RSPH1: variants seen among roughly 807,000 people sequenced by gnomAD.
RSPH1 encodes radial spoke head component 1, also known as radial spoke head 1 homolog.
A neutral mutation model predicts 44.2 loss-of-function variants in RSPH1; 32 were observed. The observed-to-expected ratio is 0.72, with a 90% confidence interval of 0.55 to 0.97. The LOEUF (loss-of-function observed/expected upper bound fraction) is 0.97. Ranked by LOEUF, RSPH1 falls within the 50% of genes least tolerant of loss-of-function variation. RSPH1 has a pLI of 0.00. For synonymous variants in RSPH1, 134 were observed against 147.3 expected, an observed-to-expected ratio of 0.91 and a Z score of 0.65; for missense variants, 391 against 398.7, an observed-to-expected ratio of 0.98 and a Z score of 0.16.
Position 42,496,208 on chromosome 21 carries a change from A to T in RSPH1, c.-22T>A. Reference sequence around the variant, plus strand: ...ACATGGTCTCGCCCCAGCCTGGATCACAGCCGCAGCGCCTCTAGCAGGTGG... The same window carrying T: ...ACATGGTCTCGCCCCAGCCTGGATCTCAGCCGCAGCGCCTCTAGCAGGTGG... On this transcript the variant is annotated 5_prime_UTR_variant, in exon 1 of 9. Coordinates refer to ENST00000291536, the MANE Select transcript of RSPH1 (RefSeq NM_080860.4). The T allele has an allele frequency of 1.9e-6, 3 of 1,613,864 alleles. No homozygotes were observed. The highest frequency in any genetic ancestry group is 2.5e-6 in the Non-Finnish European group (3 of 1,179,872).
rs1235536565 is a variant in RSPH1, at chr21:42,481,487, C to T, written c.573+1150G>A. On this transcript the variant is annotated intron_variant, in intron 6 of 8. Transcript: ENST00000291536. The stretch of plus-strand genomic sequence containing the variant: ...GATGTGATGGTAGACCCAAACAAGC[C>T]GTTCCCCGGCTTTCTTCAGAAAGAA... Among the ~76,000 whole-genome samples the T allele has an allele frequency of 2.6e-5, 4 of 152,312 alleles. No individual in the cohort carries two copies. In the South Asian group the frequency reaches 6.2e-4, roughly 24 times the overall value.
intron 1 of RSPH1, 190 bp downstream of exon 1, chr21:42,495,943 T>A: frequency 1.7e-6 from 1 of 602,980 alleles, no homozygotes; most frequent in Middle Eastern, 2.8e-4. Context: ...CGTCACAGCG[T>A]TTCACTTTTC....
Position 42,476,044 on chromosome 21 carries a change from G to A in RSPH1, c.731C>T (p.Ala244Val), listed in dbSNP as rs1362097488. The A allele has an allele frequency of 6.2e-7, 1 of 1,613,434 alleles. No individual in the cohort carries two copies. Among genetic ancestry groups the A allele is most frequent in the East Asian group, 2.2e-5 (1 of 44,796 alleles). The part of the protein sequence containing the change: ...PGQDAPGAES[A>V]GEPGEEAQAL... ...CTGGGCCTCCTCCCCGGGTTCTCCTGCACCTGAGATAAAACACAAGTCAGA... is the reference window on the plus strand; with the variant it reads ...CTGGGCCTCCTCCCCGGGTTCTCCTACACCTGAGATAAAACACAAGTCAGA... Residue 244 changes from alanine (A) to valine (V), a missense_variant, in exon 8 of 9, where the codon GCA (alanine) becomes GTA (valine). Ala to Val is a moderately conservative substitution (Grantham distance 64). Coordinates refer to ENST00000291536, the MANE Select transcript of RSPH1 (RefSeq NM_080860.4).
In RSPH1 at chr21:42,472,861, T is replaced by G; in HGVS notation, c.887A>C (p.Asn296Thr). The G allele has an allele frequency of 6.2e-7, 1 of 1,606,442 alleles. No homozygotes were observed. Among genetic ancestry groups the G allele is most frequent in the Non-Finnish European group, 8.5e-7 (1 of 1,173,160 alleles). The change falls in exon 9 of 9, where the codon AAT (asparagine) becomes ACT (threonine). Residue 296 changes from asparagine (N) to threonine (T), a missense_variant. Transcript: ENST00000291536. Reference sequence around the variant, plus strand: ...CTGTCTAGTTTCTTCTTCTTCAGAATTAATGTTTCCTGAAAAGAAAAGAGA... The same window carrying G: ...CTGTCTAGTTTCTTCTTCTTCAGAAGTAATGTTTCCTGAAAAGAAAAGAGA... The part of the protein sequence containing the change: ...FRYDMDEGNI[N>T]SEEEETRQSD...
chr21:42,489,039 G>C (rs1323214693), intron 3 of RSPH1, among the ~76,000 whole-genome samples: 1 of 152,062 alleles, frequency 6.6e-6, no homozygotes, highest in African/African-American at 2.4e-5. Context: ...CTGGTTGGTT[G>C]GTTGGTTGGC....
intron 3 of RSPH1, among the ~76,000 whole-genome samples, chr21:42,492,085 C>T (rs1350087994): frequency 5.3e-5 from 8 of 152,124 alleles, no homozygotes; most frequent in African/African-American, 1.7e-4. Flanking sequence ...AACAAAAAGC[C>T]CAGAACACAG....
At chr21:42,485,914 C>T (rs2054176554) in intron 4 of RSPH1, 110 bp from the exon 5 acceptor site, 1 of 1,355,066 alleles carries the variant, frequency 7.4e-7, no homozygotes, top group Non-Finnish European at 1.0e-6. Context: ...TGCAGGCTCA[C>T]AAGCGATGTA....
chr21:42,478,572 G>C (rs1003582098), intron 6 of RSPH1, among the ~76,000 whole-genome samples: 16 of 152,208 alleles, frequency 1.1e-4, no homozygotes, highest in African/African-American at 3.9e-4. Flanking sequence ...ATAAAACCAA[G>C]AGGTGGAACC....
chr21:42,475,853 C>G (rs1289300226), intron 8 of RSPH1, 45 bp downstream of exon 8: 2 of 1,600,330 alleles, frequency 1.2e-6, no homozygotes, highest in Non-Finnish European at 1.7e-6. Context: ...GTTCGTGGCC[C>G]CTAAGTGCGG....
chr21:42,484,048 T>C (rs143365162), intron 5 of RSPH1, among the ~76,000 whole-genome samples: 58 of 152,326 alleles, frequency 3.8e-4, no homozygotes, highest in African/African-American at 1.3e-3. Flanking sequence ...AGTTTTGTGG[T>C]ATTGATAACT....
chr21:42,481,746 T>A (rs193018856), intron 6 of RSPH1, among the ~76,000 whole-genome samples: 1 of 152,290 alleles, frequency 6.6e-6, no homozygotes, highest in Admixed American at 6.5e-5. Flanking sequence ...TCTAGAGGGA[T>A]TGATCAGACA....
Position 42,492,840 on chromosome 21 carries a change from A to G in RSPH1, c.192T>C (p.Gly64=). The G allele has an allele frequency of 6.2e-7, 1 of 1,613,162 alleles. No homozygotes were observed. The highest frequency in any genetic ancestry group is 2.2e-5 in the East Asian group (1 of 44,886). Residue 64 remains glycine, a synonymous_variant, in exon 3 of 9, where the codon GGT becomes GGC. Transcript: ENST00000291536. ...TAACATATTCTCCGATATATCGAGCACCATTTTTAAATTTGTAGATCCCCT... is the reference window on the plus strand; with the variant it reads ...TAACATATTCTCCGATATATCGAGCGCCATTTTTAAATTTGTAGATCCCCT... ...HGQGIYKFKN[G]ARYIGEYVRN... is the part of the protein sequence containing the mutation.
intron 4 of RSPH1, 117 bp from the exon 5 acceptor site, chr21:42,485,921 T>C: frequency 7.8e-7 from 1 of 1,279,198 alleles, no homozygotes; most frequent in Non-Finnish European, 1.1e-6. Context: ...TCACAAGCGA[T>C]GTAGCTTCTA....
chr21:42,476,956 C>G (rs547012121), intron 7 of RSPH1, among the ~76,000 whole-genome samples: 2 of 151,894 alleles, frequency 1.3e-5, no homozygotes, highest in African/African-American at 2.4e-5. Flanking sequence ...GGCGCCCACA[C>G]CCTCCATCCC....
intron 3 of RSPH1, among the ~76,000 whole-genome samples, chr21:42,489,384 GTTGA>G (rs977594822): frequency 6.6e-6 from 1 of 152,188 alleles, no homozygotes; most frequent in African/African-American, 2.4e-5. Flanking sequence ...TGGCTGGTTG[GTTGA>G]TTGGTTGGCT....
rs375454508 is a variant in RSPH1, at chr21:42,492,840, A to C, written c.192T>G (p.Gly64=). Residue 64 remains glycine (G), a synonymous_variant, in exon 3 of 9, where the codon GGT becomes GGG. Coordinates refer to ENST00000291536, the MANE Select transcript of RSPH1 (RefSeq NM_080860.4). The stretch of plus-strand genomic sequence containing the variant: ...TAACATATTCTCCGATATATCGAGC[A>C]CCATTTTTAAATTTGTAGATCCCCT... The part of the protein sequence containing the change: ...HGQGIYKFKN[G]ARYIGEYVRN... 43 of 1,613,044 alleles carry C rather than the reference A, an allele frequency of 2.7e-5. No individual in the cohort carries two copies. The highest frequency in any genetic ancestry group is 3.4e-5 in the Non-Finnish European group (40 of 1,179,122).
Position 42,472,616 on chromosome 21 carries a change from T to C in RSPH1, c.*202A>G, listed in dbSNP as rs2054002840. The C allele has an allele frequency of 2.3e-6, 1 of 427,096 alleles. No homozygotes were observed. Among genetic ancestry groups the C allele is most frequent in the South Asian group, 5.4e-5 (1 of 18,522 alleles). 26.5% of individuals were successfully genotyped at this position (427,096 alleles called of 1,614,324 possible). A position where few individuals can be genotyped will look rare whatever the true frequency, so the allele number is the denominator to read the frequency against. On this transcript the variant is annotated 3_prime_UTR_variant, in exon 9 of 9. Transcript: ENST00000291536. ...GACAGAAGCATTTTGTTTTTGTTTATTTTTTGAGACAGGGTCTCGCTCTGC... is the reference window on the plus strand; with the variant it reads ...GACAGAAGCATTTTGTTTTTGTTTACTTTTTGAGACAGGGTCTCGCTCTGC...
chr21:42,495,693 G>A (rs2054280639), intron 1 of RSPH1, among the ~76,000 whole-genome samples: 1 of 152,212 alleles, frequency 6.6e-6, no homozygotes, highest in East Asian at 1.9e-4. Context: ...CTTGGAGGCT[G>A]CCAGGAAGCA....
intron 1 of RSPH1, chr21:42,495,902 G>A (rs1169397568): frequency 3.7e-6 from 2 of 546,764 alleles, no homozygotes; most frequent in Admixed American, 3.0e-5. Flanking sequence ...ATGGGGGTGG[G>A]GGAAGAACGA....
Sources: gnomAD v4.1 joint callset for allele counts (sites outside exome capture counted in the v4.1 genomes callset) on GRCh38, gnomAD v4.1.1 for gene constraint, MANE v1.5 for transcripts, NCBI Gene and HGNC (gene_info 2026-07-23, HGNC 2026-07-21) for gene names.